Variants in F12 observed in about 807,000 individuals in gnomAD.
The protein encoded by F12 is coagulation factor XII.
Under a neutral mutation model 74.8 loss-of-function variants are expected in F12, and 70 were observed. That is an observed-to-expected ratio of 0.94 (90% CI 0.77 to 1.14). The LOEUF is 1.14. Among genes scored for constraint, F12 ranks in the 50% most tolerant of loss-of-function variants. F12 has a pLI of 0.00. For missense variants in F12, 811 were observed against 835.7 expected (o/e 0.97, Z 0.36); for synonymous variants, 373 against 356.4 (o/e 1.05, Z -0.52).
chr5:177,402,707 A>C lies in F12; in HGVS notation c.1532-9T>G. On this transcript the variant is annotated splice_polypyrimidine_tract_variant and intron_variant, in intron 12 of 13. Transcript: ENST00000253496. ...GGCATATTCCTCCGCCCCTGCGAAC[A>C]CAGAGCGCCTTCTTCACACCCCATC... is the stretch of plus-strand genomic sequence containing the variant. The C allele has an allele frequency of 6.2e-7, 1 of 1,611,200 alleles. No homozygotes were observed. The highest frequency in any genetic ancestry group is 8.5e-7 in the Non-Finnish European group (1 of 1,179,928).
chr5:177,403,854 C>A lies in F12; in HGVS notation c.1250+5G>T. 6.6e-7 allele frequency: 1 copy of A among 1,524,590 alleles called. No individual in the cohort carries two copies. 94.4% of individuals were successfully genotyped at this position (1,524,590 alleles called of 1,614,324 possible). ...TGGGGCGGCTCTGGGCGGGCGGGTA[C>A]TCGCCGGTCCTGCAGGCAGTGAGCG... is the stretch of plus-strand genomic sequence containing the variant. On this transcript the variant is annotated splice_donor_5th_base_variant and intron_variant, in intron 10 of 13. Transcript: ENST00000253496.
Position 177,403,937 on chromosome 5 carries a change from T to A in F12, c.1172A>T (p.Tyr391Phe), listed in dbSNP as rs770034163. The change falls in exon 10 of 14, where the codon TAC becomes TTC. Residue 391 changes from tyrosine (Y) to phenylalanine (F), a missense_variant. By Grantham distance (22) the Tyr-to-Phe change is conservative (BLOSUM62 3). Transcript: ENST00000253496. ...RGAHPYIAAL[Y>F]WGHSFCAGSL... ...GCCGGCGCAGAAACTGTGGCCCCAG[T>A]ACAGCGCGGCGATGTAGGGGTGCGC... is the stretch of plus-strand genomic sequence containing the variant. The A allele has an allele frequency of 1.9e-6, 3 of 1,599,946 alleles. No individual in the cohort carries two copies. The highest frequency in any genetic ancestry group is 2.5e-6 in the Non-Finnish European group (3 of 1,177,652).
In F12 at chr5:177,402,460, C is replaced by A. The variant is rs199988476; in HGVS notation, c.1681-1G>T. ...ACACCAGCGGGCCTCCGGAATCACCCTGGGTCGGAAACACGCAGCTCAGCG... is the reference window on the plus strand; with the variant it reads ...ACACCAGCGGGCCTCCGGAATCACCATGGGTCGGAAACACGCAGCTCAGCG... On this transcript the variant is annotated splice_acceptor_variant, in intron 13 of 13. Coordinates refer to ENST00000253496, the MANE Select transcript of F12 (RefSeq NM_000505.4). LOFTEE classifies it high-confidence loss of function. 2 of 1,604,778 alleles carry A rather than the reference C, an allele frequency of 1.2e-6. No homozygotes were observed. The highest frequency in any genetic ancestry group is 1.7e-6 in the Non-Finnish European group (2 of 1,175,984).
intron 2 of F12, among the ~76,000 whole-genome samples, chr5:177,406,445 C>A (rs536136945): frequency 1.3e-5 from 2 of 151,924 alleles, no homozygotes; most frequent in South Asian, 4.1e-4. Context: ...GCCGAGATCG[C>A]GCCACTGCAC....
rs1763256412 is a variant in F12, at chr5:177,405,056, TG to T, written c.526del (p.Gln176ArgfsTer15). ...CCCGTTCCCAACCATCTGCTCACCC[TG>T]GCTGGCCAGCCGCTGGCAGTGGGCA... Reference protein sequence around the residue: ...PDAHCQRLASQACRTNPCLHG... With the variant: ...PDAHCQRLASXACRTNPCLHG... On this transcript the variant is annotated frameshift_variant, in exon 6 of 14. Coordinates refer to ENST00000253496, the MANE Select transcript of F12 (RefSeq NM_000505.4). LOFTEE classifies it high-confidence loss of function. The T allele has an allele frequency of 6.2e-7, 1 of 1,612,210 alleles. No homozygotes were observed. Among genetic ancestry groups the T allele is most frequent in the Non-Finnish European group, 8.5e-7 (1 of 1,179,918 alleles).
chr5:177,404,988 A>G (rs749315123), intron 6 of F12, 66 bp downstream of exon 6: 1 of 1,591,282 alleles, frequency 6.3e-7, no homozygotes, highest in Non-Finnish European at 8.5e-7. Flanking sequence ...CTGGCACACC[A>G]CCCGGCCTCC....
chr5:177,404,629 T>C lies in F12; in HGVS notation c.670A>G (p.Ser224Gly), dbSNP rs749133096. The C allele has an allele frequency of 6.2e-7, 1 of 1,605,700 alleles. No homozygotes were observed. The highest frequency in any genetic ancestry group is 8.5e-7 in the Non-Finnish European group (1 of 1,179,192). Reference sequence around the variant, plus strand: ...GTGGTCCTGGCCAGGCCGCGGTAGCTGAGCCCGCGGCCATCATAGCAGCTT... The same window carrying C: ...GTGGTCCTGGCCAGGCCGCGGTAGCCGAGCCCGCGGCCATCATAGCAGCTT... ...KASCYDGRGL[S>G]YRGLARTTLS... Residue 224 changes from serine to glycine, a missense_variant, in exon 8 of 14, where the codon AGC becomes GGC. Ser to Gly is a moderately conservative substitution (Grantham distance 56). Coordinates refer to ENST00000253496, the MANE Select transcript of F12 (RefSeq NM_000505.4).
chr5:177,405,479 A>G (rs1351261102), intron 4 of F12, 46 bp from the exon 5 acceptor site: 4 of 1,560,442 alleles, frequency 2.6e-6, no homozygotes, highest in Non-Finnish European at 2.6e-6. Flanking sequence ...GCTGAGTCAC[A>G]CAGCTGGGGG....
At chr5:177,406,156 A>G in intron 2 of F12, 95 bp from the exon 3 acceptor site, 1 of 1,178,214 alleles carries the variant, frequency 8.5e-7, no homozygotes, top group Non-Finnish European at 1.3e-6. Context: ...CAGACCCTCA[A>G]AAAGGTCGCT....
intron 2 of F12, among the ~76,000 whole-genome samples, chr5:177,407,579 G>A (rs1343800571): frequency 6.6e-6 from 1 of 152,178 alleles, no homozygotes; most frequent in Non-Finnish European, 1.5e-5. Flanking sequence ...GAGGGCAGGA[G>A]TTCGAGACCA....
chr5:177,404,486 C>T lies in F12; in HGVS notation c.800+13G>A. ...CCTGGGGCGGAGGGGTCACCCAGCC[C>T]CACGCGGCGCACCGGCAGAAGGCGT... On this transcript the variant is annotated intron_variant, in intron 8 of 13. Transcript: ENST00000253496. 6.3e-7 allele frequency: 1 copy of T among 1,590,620 alleles called. No homozygotes were observed. Among genetic ancestry groups the T allele is most frequent in the Non-Finnish European group, 8.6e-7 (1 of 1,169,052 alleles).
In F12 at chr5:177,403,411, A is replaced by T; in HGVS notation, c.1388-14T>A. On this transcript the variant is annotated splice_polypyrimidine_tract_variant and intron_variant, in intron 11 of 13. Transcript: ENST00000253496. ...GGCGCAACAGAGCTAACCCGGGCGG[A>T]GAGGAGCGTGAGGCGGGGACGCCGG... The T allele has an allele frequency of 6.3e-7, 1 of 1,588,302 alleles. No individual in the cohort carries two copies. The highest frequency in any genetic ancestry group is 8.5e-7 in the Non-Finnish European group (1 of 1,173,960).
chr5:177,402,826 G>A, intron 12 of F12, 128 bp from the exon 13 acceptor site: 1 of 1,325,534 alleles, frequency 7.5e-7, no homozygotes, highest in Non-Finnish European at 1.1e-6. Flanking sequence ...GCCCGAAGGG[G>A]AGGAGGTGCC....
rs758271931 is a variant in F12 at position 177,404,046 on chromosome 5, C to G, written c.1063G>C (p.Gly355Arg). 2 of 1,602,532 alleles carry G rather than the reference C, an allele frequency of 1.2e-6. No individual in the cohort carries two copies. Among genetic ancestry groups the G allele is most frequent in the Admixed American group, 3.3e-5 (2 of 59,968 alleles). The change falls in exon 10 of 14, where the codon GGC (glycine) becomes CGC (arginine). Residue 355 changes from glycine (G) to arginine (R), a missense_variant. By Grantham distance (125) the Gly-to-Arg change is moderately radical. Coordinates refer to ENST00000253496, the MANE Select transcript of F12 (RefSeq NM_000505.4). Reference sequence around the variant, plus strand: ...AGCCGCTGCCCGCAGCTCAGTGGGCCGTTCCTGGTCAGGGAAGGCGGCTGC... The same window carrying G: ...AGCCGCTGCCCGCAGCTCAGTGGGCGGTTCCTGGTCAGGGAAGGCGGCTGC... ...REQPPSLTRNGPLSCGQRLRK... is the reference protein window; with the variant it reads ...REQPPSLTRNRPLSCGQRLRK...
rs1332851198 is a variant in F12 at position 177,403,311 on chromosome 5, C to T, written c.1474G>A (p.Ala492Thr). ...VQPVCLPSGA[A>T]RPSETTLCQV... is the part of the protein sequence containing the mutation. ...CAGAGCGTGGTCTCGGAGGGTCGCG[C>T]GGCGCCGCTTGGCAGGCACACCGGC... Residue 492 changes from alanine to threonine, a missense_variant, in exon 12 of 14, where the codon GCG becomes ACG. Ala to Thr is a moderately conservative substitution (Grantham distance 58, BLOSUM62 0). Coordinates refer to ENST00000253496, the MANE Select transcript of F12 (RefSeq NM_000505.4). The T allele has an allele frequency of 1.3e-6, 2 of 1,599,526 alleles. No homozygotes were observed. Among genetic ancestry groups the T allele is most frequent in the African/African-American group, 1.3e-5 (1 of 74,902 alleles).
Position 177,403,955 on chromosome 5 carries a change from G to C in F12, c.1154C>G (p.Pro385Arg). 6.2e-7 allele frequency: 1 copy of C among 1,601,884 alleles called. No homozygotes were observed. The highest frequency in any genetic ancestry group is 1.7e-5 in the Admixed American group (1 of 59,624). Residue 385 changes from proline to arginine, a missense_variant, in exon 10 of 14, where the codon CCC becomes CGC. Pro to Arg is a moderately radical substitution (Grantham distance 103). Transcript: ENST00000253496. ...GGLVALRGAH[P>R]YIAALYWGHS... ...GCCCCAGTACAGCGCGGCGATGTAG[G>C]GGTGCGCCCCGCGTAGCGCCACCAG...
At position 177,404,106 on chromosome 5, in the gene F12, G is replaced by A. The variant is rs1225906178; in HGVS notation, c.1019-16C>T. The A allele has an allele frequency of 3.8e-6, 6 of 1,598,284 alleles. No homozygotes were observed. The highest frequency in any genetic ancestry group is 5.1e-6 in the Non-Finnish European group (6 of 1,175,454). On this transcript the variant is annotated splice_polypyrimidine_tract_variant and intron_variant, in intron 9 of 13. Coordinates refer to ENST00000253496, the MANE Select transcript of F12 (RefSeq NM_000505.4). ...GCCGGCAAGGCTGTGGAGGAGCAGG[G>A]GCTGAGGACGGAGAGCCCGCGGCCG...
Position 177,406,007 on chromosome 5 carries a change from A to G in F12, c.170T>C (p.Leu57Pro). Residue 57 changes from leucine (L) to proline (P), a missense_variant, in exon 3 of 14, where the codon CTG (leucine) becomes CCG (proline). Coordinates refer to ENST00000253496, the MANE Select transcript of F12 (RefSeq NM_000505.4). ...CHFPFQYHRQ[L>P]YHKCTHKGRP... ...GCCCTTGTGGGTACATTTGTGGTAC[A>G]GCTGCCGGTGGTACTGGAAGGGGAA... 6.2e-7 allele frequency: 1 copy of G among 1,614,114 alleles called. No individual in the cohort carries two copies. Among genetic ancestry groups the G allele is most frequent in the Middle Eastern group, 1.6e-4 (1 of 6,062 alleles).
intron 2 of F12, 124 bp downstream of exon 2, chr5:177,408,922 A>G: frequency 8.8e-6 from 8 of 906,306 alleles, no homozygotes; most frequent in Non-Finnish European, 1.4e-5. Flanking sequence ...CGATCACTCT[A>G]GTGCCCATGG....
Sources: allele counts gnomAD v4.1 joint callset (sites outside exome capture counted in the v4.1 genomes callset), GRCh38; gene constraint gnomAD v4.1.1; transcripts MANE v1.5; gene names NCBI Gene and HGNC (gene_info 2026-07-23, HGNC 2026-07-21).